Variants in OTUD7A observed in about 807,000 individuals in gnomAD.
OTUD7A encodes the protein OTU domain-containing protein 7A.
A neutral mutation model predicts 65.7 loss-of-function variants in OTUD7A; 12 were observed. The ratio of observed to expected loss-of-function variants is 0.18; its 90% CI spans 0.12 to 0.30. OTUD7A has a LOEUF of 0.30. OTUD7A is among the 10% of genes least tolerant of loss of function. The pLI, the probability that OTUD7A is intolerant of heterozygous loss-of-function variation, is 1.00. For missense variants in OTUD7A, 1,148 were observed against 1,304.8 expected (o/e 0.88, Z 1.85); for synonymous variants, 641 against 586.3 (o/e 1.09, Z -1.35).
At chr15:31,518,475 TA>T (rs35618927) in intron 8 of OTUD7A, among the ~76,000 whole-genome samples, 21,455 of 146,612 alleles carry the variant, frequency 0.15, 1,888 homozygotes, top group East Asian at 0.25. Context: ...TCCATCTGAT[TA>T]AAAAAAAAAA....
intron 5 of OTUD7A, among the ~76,000 whole-genome samples, chr15:31,536,093 C>T (rs1195976346): frequency 6.6e-6 from 1 of 152,156 alleles, no homozygotes; most frequent in Admixed American, 6.5e-5. Flanking sequence ...CAGAGAAATA[C>T]AGGAAACAGG....
intron 3 of OTUD7A, among the ~76,000 whole-genome samples, chr15:31,577,508 A>C (rs1208012082): frequency 6.6e-6 from 1 of 152,078 alleles, no homozygotes; most frequent in East Asian, 1.9e-4. Context: ...CCACCTTTTT[A>C]AGCTGAACCA....
In OTUD7A at chr15:31,484,263, G is replaced by A. The variant is rs760442966; in HGVS notation, c.1833C>T (p.Gly611=). 11 of 1,593,962 alleles carry A rather than the reference G, an allele frequency of 6.9e-6. No individual in the cohort carries two copies. The highest frequency in any genetic ancestry group is 9.4e-6 in the Non-Finnish European group (11 of 1,173,614). Residue 611 remains glycine, a synonymous_variant, in exon 13 of 13, where the codon GGC becomes GGT. Transcript: ENST00000307050. This position sits in a 1 kb window ranked among gnomAD's most constrained non-coding sequence, Gnocchi z 4.5. ...TCCAGGCGTCGCCCCGCGGCCCACC[G>A]CCCTTCTCCGCCGGCGACGCGCCCG... ...KAAGASPAEK[G]GGPRGDAWKY...
intron 1 of OTUD7A, among the ~76,000 whole-genome samples, chr15:31,756,486 T>C (rs1360214086): frequency 1.3e-5 from 2 of 152,182 alleles, no homozygotes; most frequent in Non-Finnish European, 2.9e-5. Context: ...AAAGTCACTG[T>C]CCTCGTGATG....
intron 3 of OTUD7A, among the ~76,000 whole-genome samples, chr15:31,632,608 T>C (rs1053129021): frequency 3.9e-5 from 6 of 152,240 alleles, no homozygotes; most frequent in Non-Finnish European, 8.8e-5. Flanking sequence ...CGTTCTCAGA[T>C]CTCCAGCTGT....
intron 1 of OTUD7A, among the ~76,000 whole-genome samples, chr15:31,771,318 A>G (rs950549059): frequency 1.3e-5 from 2 of 152,182 alleles, no homozygotes; most frequent in African/African-American, 4.8e-5. Flanking sequence ...TTAGATGTCT[A>G]TCTGGCATCT....
chr15:31,644,211 C>T (rs1374759112), intron 3 of OTUD7A, among the ~76,000 whole-genome samples: 1 of 152,132 alleles, frequency 6.6e-6, no homozygotes, highest in Non-Finnish European at 1.5e-5. Context: ...CTCACCTCCC[C>T]ACTAGCTAGC....
At chr15:31,524,710 G>A (rs1239730146) in intron 8 of OTUD7A, among the ~76,000 whole-genome samples, 1 of 152,154 alleles carries the variant, frequency 6.6e-6, no homozygotes, top group Non-Finnish European at 1.5e-5. Flanking sequence ...GTGGCAGCCA[G>A]AACTATGGCT....
chr15:31,680,644 T>C (rs12909823), intron 1 of OTUD7A, among the ~76,000 whole-genome samples: 50,906 of 151,346 alleles, frequency 0.34, 11,256 homozygotes, highest in African/African-American at 0.63. Context: ...AAACTCTTTG[T>C]CCCCTGCTCA....
intron 1 of OTUD7A, among the ~76,000 whole-genome samples, chr15:31,838,657 A>ACCC (rs5811666): frequency 6.9e-6 from 1 of 144,700 alleles, no homozygotes; most frequent in Non-Finnish European, 1.5e-5. Flanking sequence ...GATCTCAAAG[A>ACCC]CCCCCCCCCA....
intron 8 of OTUD7A, among the ~76,000 whole-genome samples, chr15:31,506,089 G>A (rs1279119513): frequency 6.6e-6 from 1 of 151,940 alleles, no homozygotes; most frequent in Non-Finnish European, 1.5e-5. Flanking sequence ...TTAGAAAAAG[G>A]GTTATTTATT....
intron 1 of OTUD7A, among the ~76,000 whole-genome samples, chr15:31,713,951 G>T (rs1048968729): frequency 7.4e-6 from 1 of 134,724 alleles, no homozygotes; most frequent in African/African-American, 2.6e-5. Context: ...CCACCAGAAT[G>T]TCTAAAATTA....
rs369642099 is a variant in OTUD7A, at chr15:31,809,633, A to G, written c.-100+60874T>C. On this transcript the variant is annotated intron_variant, in intron 1 of 12. Coordinates refer to ENST00000307050, the MANE Select transcript of OTUD7A (RefSeq NM_001382637.1). ...CTTTTCTTCCCTTGAACTAGGACAC[A>G]ATGGCTAGTGCTTCAGCAGCCACCT... Among the ~76,000 whole-genome samples, 18 of 152,304 alleles carry G rather than the reference A, an allele frequency of 1.2e-4. No homozygotes were observed. The East Asian group carries it at 3.3e-3, about 28-fold the overall frequency.
At chr15:31,688,654 A>G (rs1892896785) in intron 1 of OTUD7A, among the ~76,000 whole-genome samples, 1 of 152,226 alleles carries the variant, frequency 6.6e-6, no homozygotes, top group African/African-American at 2.4e-5. Context: ...ATACTTTTGT[A>G]GAAGGTAGCT....
intron 3 of OTUD7A, among the ~76,000 whole-genome samples, chr15:31,621,832 C>T (rs924670122): frequency 6.7e-6 from 1 of 150,374 alleles, no homozygotes; most frequent in Non-Finnish European, 1.5e-5. Flanking sequence ...TTATTTTGCT[C>T]GTTAGTTGAT....
At chr15:31,503,667 A>C (rs780932115) in intron 9 of OTUD7A, 24 bp downstream of exon 9, 1 of 1,613,936 alleles carries the variant, frequency 6.2e-7, no homozygotes, top group South Asian at 1.1e-5. Flanking sequence ...TCATGAATAC[A>C]ACACATCTCT....
At chr15:31,850,031 T>C (rs766415342) in intron 1 of OTUD7A, among the ~76,000 whole-genome samples, 2 of 152,160 alleles carry the variant, frequency 1.3e-5, no homozygotes, top group Non-Finnish European at 2.9e-5. Context: ...GAACTAGAAA[T>C]ACCATTCAAC....
At chr15:31,613,786 C>T (rs1204800379) in intron 3 of OTUD7A, among the ~76,000 whole-genome samples, 1 of 152,158 alleles carries the variant, frequency 6.6e-6, no homozygotes, top group Non-Finnish European at 1.5e-5. Flanking sequence ...AATCTCACTA[C>T]TGGGTATCCA....
intron 5 of OTUD7A, among the ~76,000 whole-genome samples, chr15:31,547,352 A>G (rs57480487): frequency 6.6e-6 from 1 of 152,202 alleles, no homozygotes; most frequent in Non-Finnish European, 1.5e-5. Flanking sequence ...CTTTAACATC[A>G]CATGTTTCTT....
Sources: gnomAD v4.1 joint callset for allele counts (sites outside exome capture counted in the v4.1 genomes callset) on GRCh38, gnomAD v4.1.1 for gene constraint, Gnocchi (gnomAD v3.1) non-coding constraint, MANE v1.5 for transcripts, NCBI Gene and HGNC (gene_info 2026-07-23, HGNC 2026-07-21) for gene names.